Variants in MAP2K1 observed in about 807,000 individuals in gnomAD.
The protein encoded by MAP2K1 is dual specificity mitogen-activated protein kinase kinase 1.
In MAP2K1, 16 loss-of-function variants were observed where a neutral mutation model predicts 46.3. The observed-to-expected ratio is 0.35, with a 90% CI of 0.23 to 0.52. The LOEUF is 0.52. Ranked by LOEUF, MAP2K1 falls within the 20% of genes least tolerant of loss-of-function variation. MAP2K1 has a pLI of 0.94. For synonymous variants in MAP2K1, 183 were observed against 185.6 expected (o/e 0.99, Z 0.11); for missense variants, 263 against 497.1 (o/e 0.53, Z 4.48).
chr15:66,387,607 C>G (rs1566991872), intron 1 of MAP2K1, among the ~76,000 whole-genome samples, 180 bp downstream of exon 1: 1 of 150,466 alleles, frequency 6.6e-6, no homozygotes, highest in Non-Finnish European at 1.5e-5. Flanking sequence ...CTGACTCAGA[C>G]CAGTTAGCGG....
At chr15:66,398,074 C>G (rs973650896) in intron 1 of MAP2K1, among the ~76,000 whole-genome samples, 1 of 151,336 alleles carries the variant, frequency 6.6e-6, no homozygotes, top group Non-Finnish European at 1.5e-5. Context: ...TGCACTCCAG[C>G]CTGGGTGACA....
intron 5 of MAP2K1, among the ~76,000 whole-genome samples, chr15:66,473,944 T>C (rs1303109491): frequency 6.6e-6 from 1 of 152,110 alleles, no homozygotes; most frequent in African/African-American, 2.4e-5. Context: ...AGCCTCCTGA[T>C]GTGCTGGGAT....
rs149321549 is a variant in MAP2K1 at position 66,444,830 on chromosome 15, T to C, written c.568+123T>C. 1.7e-4 allele frequency: 148 copies of C among 856,700 alleles called. 1 individual carries two copies. The East Asian group carries it at 3.7e-3, about 21-fold the overall frequency. 53.1% of individuals were successfully genotyped at this position (856,700 alleles called of 1,614,324 possible). ...CCTTTTAATAACATGTTAAATCTTTTATTAAAAGTCTTTGTTTAGTTTGGT... is the reference window on the plus strand; with the variant it reads ...CCTTTTAATAACATGTTAAATCTTTCATTAAAAGTCTTTGTTTAGTTTGGT... On this transcript the variant is annotated intron_variant, in intron 5 of 10. Transcript: ENST00000307102.
At chr15:66,439,779 T>G (rs1357704931) in intron 3 of MAP2K1, among the ~76,000 whole-genome samples, 1 of 150,924 alleles carries the variant, frequency 6.6e-6, no homozygotes, top group African/African-American at 2.4e-5. Context: ...AAAAAAAAAT[T>G]ACAAAAATTA....
intron 3 of MAP2K1, among the ~76,000 whole-genome samples, chr15:66,440,502 G>T (rs1567010919): frequency 1.3e-5 from 2 of 152,190 alleles, no homozygotes; most frequent in African/African-American, 2.4e-5. Context: ...TGTGTGCACT[G>T]CCCAGTCTGA....
intron 5 of MAP2K1, among the ~76,000 whole-genome samples, chr15:66,449,003 C>CAAA (rs59398424): frequency 0.014 from 642 of 47,040 alleles, 26 homozygotes; most frequent in African/African-American, 0.022. Context: ...GACACTGTCT[C>CAAA]AAAAAAAAAA....
intron 1 of MAP2K1, among the ~76,000 whole-genome samples, chr15:66,391,733 C>T (rs1287749735): frequency 6.6e-6 from 1 of 152,130 alleles, no homozygotes; most frequent in African/African-American, 2.4e-5. Flanking sequence ...TTTCTTTTCC[C>T]CTTTATGCTC....
chr15:66,473,622 C>T (rs190351249), intron 5 of MAP2K1, among the ~76,000 whole-genome samples: 23 of 152,218 alleles, frequency 1.5e-4, no homozygotes, highest in African/African-American at 5.1e-4. Context: ...CTCTGTACCC[C>T]CTATACCTTT....
At position 66,446,712 on chromosome 15, in the gene MAP2K1, C is replaced by CAG. The variant is rs547553861; in HGVS notation, c.568+2005_568+2006insAG. ...CACTTTCAATTTTAGGAAGAACTGCCTGCTCCCATTGGTTCCGGATACCCT... is the reference window on the plus strand; with the variant it reads ...CACTTTCAATTTTAGGAAGAACTGCCAGTGCTCCCATTGGTTCCGGATACCCT... On this transcript the variant is annotated intron_variant, in intron 5 of 10. Transcript: ENST00000307102. The CAG allele has an allele frequency of 1.7e-3, 633 of 368,958 alleles. 2 individuals carry two copies. Among genetic ancestry groups the CAG allele is most frequent in the African/African-American group, 0.012 (589 of 47,276 alleles). The allele number at this position is 368,958 out of a possible 1,614,324, so 22.9% of individuals were successfully genotyped here. A position where few individuals can be genotyped will look rare whatever the true frequency, so the allele number is the denominator to read the frequency against.
rs1893238432 is a variant in MAP2K1 at position 66,490,982 on chromosome 15, T to C, written c.*367T>C. 1 of 435,546 alleles carries C rather than the reference T, an allele frequency of 2.3e-6. No individual in the cohort carries two copies. The allele number at this position is 435,546 out of a possible 1,614,324, so 27.0% of individuals were successfully genotyped here. A position where few individuals can be genotyped will look rare whatever the true frequency, so the allele number is the denominator to read the frequency against. ...GTCTGCCTGTATTTTCGGGATTCTT[T>C]GACATTTGGTGGTACTTTATTCTTG... On this transcript the variant is annotated 3_prime_UTR_variant, in exon 11 of 11. Coordinates refer to ENST00000307102, the MANE Select transcript of MAP2K1 (RefSeq NM_002755.4).
intron 5 of MAP2K1, among the ~76,000 whole-genome samples, chr15:66,480,475 G>A (rs1211930987): frequency 1.3e-5 from 2 of 152,082 alleles, no homozygotes; most frequent in Non-Finnish European, 2.9e-5. Context: ...GGTGACTCAC[G>A]CCTATAGTCC....
intron 10 of MAP2K1, 50 bp from the exon 11 acceptor site, chr15:66,490,452 G>GT (rs756730939): frequency 9.4e-6 from 13 of 1,384,472 alleles, no homozygotes; most frequent in East Asian, 9.1e-5. Flanking sequence ...GGTGGGTTTT[G>GT]TTTTTTTGTT....
chr15:66,471,056 G>A (rs1473043435), intron 5 of MAP2K1, among the ~76,000 whole-genome samples: 1 of 152,150 alleles, frequency 6.6e-6, no homozygotes, highest in African/African-American at 2.4e-5. Flanking sequence ...TTCCAAAGGA[G>A]GCAATCAGAT....
rs956592979 is a variant in MAP2K1, at chr15:66,409,348, C to T, written c.80+21921C>T. On this transcript the variant is annotated intron_variant, in intron 1 of 10. Transcript: ENST00000307102. ...TGAGAACATCTTCCCTATTCTGTGG[C>T]GTTCTCTTAGCCTTATGCCTGGCAC... is the stretch of plus-strand genomic sequence containing the variant. 4.6e-5 allele frequency among the ~76,000 whole-genome samples: 7 copies of T among 152,110 alleles called. 1 individual carries two copies. The highest frequency in any genetic ancestry group is 4.1e-4 in the South Asian group (2 of 4,824).
At chr15:66,393,059 C>A (rs970096211) in intron 1 of MAP2K1, among the ~76,000 whole-genome samples, 5 of 152,168 alleles carry the variant, frequency 3.3e-5, no homozygotes, top group African/African-American at 1.2e-4. Flanking sequence ...CCTTGCACAT[C>A]CTTGTCTCCT....
At chr15:66,447,593 A>G (rs928367760) in intron 5 of MAP2K1, among the ~76,000 whole-genome samples, 2 of 151,384 alleles carry the variant, frequency 1.3e-5, no homozygotes, top group African/African-American at 2.4e-5. Context: ...CAGGAGGCTT[A>G]GGCAAGAGAA....
At chr15:66,388,672 A>C (rs2093349029) in intron 1 of MAP2K1, among the ~76,000 whole-genome samples, 2 of 152,042 alleles carry the variant, frequency 1.3e-5, no homozygotes, top group East Asian at 3.9e-4. Flanking sequence ...TGCCCAGCCA[A>C]CTTTCTCTAG....
At chr15:66,453,886 C>T (rs1032937112) in intron 5 of MAP2K1, among the ~76,000 whole-genome samples, 1 of 152,140 alleles carries the variant, frequency 6.6e-6, no homozygotes, top group Non-Finnish European at 1.5e-5. Flanking sequence ...ATAGCCTTGG[C>T]CTCCTAGGCT....
At chr15:66,403,500 A>G (rs2093387639) in intron 1 of MAP2K1, among the ~76,000 whole-genome samples, 1 of 152,120 alleles carries the variant, frequency 6.6e-6, no homozygotes, top group African/African-American at 2.4e-5. Context: ...CCGCAGACGA[A>G]AGTCCCCTTG....
Sources: gnomAD v4.1 joint callset for allele counts (sites outside exome capture counted in the v4.1 genomes callset) on GRCh38, gnomAD v4.1.1 for gene constraint, MANE v1.5 for transcripts, NCBI Gene and HGNC (gene_info 2026-07-23, HGNC 2026-07-21) for gene names.